Variants in KEAP1 observed in about 807,000 individuals in gnomAD.
The protein encoded by KEAP1 is kelch like ECH associated protein 1, also known as kelch-like ECH-associated protein 1.
Under a neutral mutation model 59.7 loss-of-function variants are expected in KEAP1, and 26 were observed. The ratio of observed to expected loss-of-function variants is 0.44; its 90% confidence interval spans 0.32 to 0.60. The LOEUF (loss-of-function observed/expected upper bound fraction) is 0.60, where lower values mean the gene tolerates loss of function less well. Ranked by LOEUF, KEAP1 falls within the 20% of genes least tolerant of loss-of-function variation. The probability of loss-of-function intolerance (pLI) is 0.06; values close to 1 mark genes in which losing one functional copy is unlikely to be tolerated. For missense variants in KEAP1, 539 were observed against 871.4 expected (o/e 0.62, Z 4.80); for synonymous variants, 350 against 358.3 (o/e 0.98, Z 0.26).
At position 10,491,880 on chromosome 19, in the gene KEAP1, T is replaced by C. The variant is rs2144600296; in HGVS notation, c.1022A>G (p.Tyr341Cys). ...GTCACTGGGGTTGTAAGCCTCCAGG[T>C]AGCTGAGCGACTGTCGGAAGTAGCC... ...AGGYFRQSLS[Y>C]LEAYNPSDGT... is the part of the protein sequence containing the mutation. Residue 341 changes from tyrosine (Y) to cysteine (C), a missense_variant, in exon 3 of 6, where the codon TAC becomes TGC. Tyr to Cys is a radical substitution (Grantham distance 194, BLOSUM62 -2). Transcript: ENST00000171111. This position sits in a 1 kb window ranked among gnomAD's most constrained non-coding sequence, Gnocchi z 5.2. The C allele has an allele frequency of 6.2e-7, 1 of 1,613,248 alleles. No homozygotes were observed. Among genetic ancestry groups the C allele is most frequent in the Non-Finnish European group, 8.5e-7 (1 of 1,179,730 alleles).
chr19:10,500,355 T>G (rs2144632996), intron 1 of KEAP1, among the ~76,000 whole-genome samples: 1 of 152,276 alleles, frequency 6.6e-6, no homozygotes, highest in Admixed American at 6.5e-5. Flanking sequence ...CTCAACAGCC[T>G]GCAAAGCCCT....
chr19:10,487,655 A>AAAAT (rs568931061), intron 5 of KEAP1, among the ~76,000 whole-genome samples: 19 of 151,944 alleles, frequency 1.3e-4, no homozygotes, highest in East Asian at 1.9e-4. Context: ...ACTCCACCTC[A>AAAAT]AAATAAATAA....
At chr19:10,496,506 A>ACCCC (rs1268754454) in intron 2 of KEAP1, among the ~76,000 whole-genome samples, 10 of 118,992 alleles carry the variant, frequency 8.4e-5, no homozygotes, top group African/African-American at 3.6e-4. Context: ...CACCCCCAAA[A>ACCCC]AAAAAAAAAA....
intron 2 of KEAP1, among the ~76,000 whole-genome samples, chr19:10,494,722 C>T (rs1419615783): frequency 1.4e-5 from 2 of 147,774 alleles, no homozygotes; most frequent in Non-Finnish European, 3.0e-5. Flanking sequence ...GTGGCACGAT[C>T]TTGCCTCACT....
Position 10,499,294 on chromosome 19 carries a change from C to T in KEAP1, c.639+101G>A. 8.8e-7 allele frequency: 1 copy of T among 1,138,702 alleles called. No individual in the cohort carries two copies. The highest frequency in any genetic ancestry group is 1.2e-6 in the Non-Finnish European group (1 of 812,780). 70.5% of individuals were successfully genotyped at this position (1,138,702 alleles called of 1,614,324 possible). The stretch of plus-strand genomic sequence containing the variant: ...ACCCAGCCCAGAACCTCCTTTTTCT[C>T]CAGTTTCCTGCCTTGACATCTCAAG... On this transcript the variant is annotated intron_variant, in intron 2 of 5. Coordinates refer to ENST00000171111, the MANE Select transcript of KEAP1 (RefSeq NM_203500.2). This position sits in a 1 kb window ranked among gnomAD's most constrained non-coding sequence, Gnocchi z 6.7.
At chr19:10,498,110 G>A (rs867512610) in intron 2 of KEAP1, among the ~76,000 whole-genome samples, 1 of 151,888 alleles carries the variant, frequency 6.6e-6, no homozygotes, top group South Asian at 2.1e-4. Flanking sequence ...ATGTTGGTCA[G>A]GCTGGTCTTG....
At chr19:10,494,526 G>A (rs77357782) in intron 2 of KEAP1, among the ~76,000 whole-genome samples, 11,252 of 150,130 alleles carry the variant, frequency 0.075, 480 homozygotes, top group Non-Finnish European at 0.09. Flanking sequence ...TAGTAGAGAC[G>A]GGATTTCACC....
intron 2 of KEAP1, 73 bp from the exon 3 acceptor site, chr19:10,492,335 GTAACT>G: frequency 1.7e-6 from 2 of 1,156,230 alleles, no homozygotes; most frequent in Non-Finnish European, 2.5e-6. Context: ...ACCGGGACAA[GTAACT>G]TATCACTGCC....
intron 1 of KEAP1, among the ~76,000 whole-genome samples, chr19:10,500,979 C>T (rs528876413): frequency 1.4e-3 from 209 of 152,204 alleles, no homozygotes; most frequent in South Asian, 2.1e-3. Context: ...CATGCCTGAC[C>T]CGGGGTGCAG....
chr19:10,486,839 A>G (rs2144579232), intron 5 of KEAP1, 21 bp from the exon 6 acceptor site: 1 of 1,604,992 alleles, frequency 6.2e-7, no homozygotes, highest in Non-Finnish European at 8.5e-7. Flanking sequence ...AACAGAAGGG[A>G]TGGTCACCAC....
At chr19:10,496,444 C>T (rs1599488134) in intron 2 of KEAP1, among the ~76,000 whole-genome samples, 1 of 150,008 alleles carries the variant, frequency 6.7e-6, no homozygotes. Context: ...TGCAGTGAGC[C>T]GAGATCATGC....
chr19:10,487,068 G>C (rs149537931), intron 5 of KEAP1, among the ~76,000 whole-genome samples: 2,338 of 147,868 alleles, frequency 0.016, 76 homozygotes, highest in African/African-American at 0.056. Context: ...AAATGGCCAG[G>C]CTTGGTAGCT....
At position 10,491,766 on chromosome 19, in the gene KEAP1, C is replaced by T. The variant is rs1014914854; in HGVS notation, c.1136G>A (p.Gly379Asp). 2 of 1,571,086 alleles carry T rather than the reference C, an allele frequency of 1.3e-6. No homozygotes were observed. The highest frequency in any genetic ancestry group is 1.7e-6 in the Non-Finnish European group (2 of 1,157,754). The stretch of plus-strand genomic sequence containing the variant: ...GTTGCCGTCGGGCGAGTTGTTCCTG[C>T]CGCCCACGGCGTACAACAGCCCGCC... ...VVGGLLYAVGGRNNSPDGNTD... is the reference protein window; with the variant it reads ...VVGGLLYAVGDRNNSPDGNTD... The change falls in exon 3 of 6, where the codon GGC becomes GAC. Residue 379 changes from glycine (G) to aspartate (D), a missense_variant. Physicochemically the swap from Gly to Asp is moderately conservative, Grantham distance 94 (BLOSUM62 -1). Coordinates refer to ENST00000171111, the MANE Select transcript of KEAP1 (RefSeq NM_203500.2). This position sits in a 1 kb window ranked among gnomAD's most constrained non-coding sequence, Gnocchi z 5.2.
At chr19:10,494,072 G>A (rs1394792947) in intron 2 of KEAP1, among the ~76,000 whole-genome samples, 1 of 151,896 alleles carries the variant, frequency 6.6e-6, no homozygotes, top group African/African-American at 2.4e-5. Context: ...CTCCTGAGTC[G>A]CTGGGACTAC....
At chr19:10,487,667 T>A (rs1023948228) in intron 5 of KEAP1, among the ~76,000 whole-genome samples, 1 of 149,580 alleles carries the variant, frequency 6.7e-6, no homozygotes, top group Non-Finnish European at 1.5e-5. Context: ...AATAAATAAA[T>A]AAATAAATAA....
chr19:10,487,303 C>A lies in KEAP1; in HGVS notation c.1709-485G>T, dbSNP rs144195820. ...CAGAGGTTGCAGTGAGCAGAGGCTG[C>A]ACCACTGTACTCTAGCCTAGGCAAC... is the stretch of plus-strand genomic sequence containing the variant. On this transcript the variant is annotated intron_variant, in intron 5 of 5. Coordinates refer to ENST00000171111, the MANE Select transcript of KEAP1 (RefSeq NM_203500.2). 1.4e-3 allele frequency among the ~76,000 whole-genome samples: 218 copies of A among 151,718 alleles called. 1 individual carries two copies. The East Asian group carries it at 0.019, about 13-fold the overall frequency.
Position 10,499,541 on chromosome 19 carries a change from C to T in KEAP1, c.493G>A (p.Asp165Asn), listed in dbSNP as rs752325770. 5 of 1,614,146 alleles carry T rather than the reference C, an allele frequency of 3.1e-6. No individual in the cohort carries two copies. Among genetic ancestry groups the T allele is most frequent in the East Asian group, 2.2e-5 (1 of 44,888 alleles). ...TCACTGCAGGCACGGACAACGCTGTCGATCTGGTACATGACAGCACCGTTC... is the reference window on the plus strand; with the variant it reads ...TCACTGCAGGCACGGACAACGCTGTTGATCTGGTACATGACAGCACCGTTC... ...VMNGAVMYQI[D>N]SVVRACSDFL... Residue 165 changes from aspartate (D) to asparagine (N), a missense_variant, in exon 2 of 6, where the codon GAC (aspartate) becomes AAC (asparagine). Coordinates refer to ENST00000171111, the MANE Select transcript of KEAP1 (RefSeq NM_203500.2). This position sits in a 1 kb window ranked among gnomAD's most constrained non-coding sequence, Gnocchi z 6.7.
rs1051138261 is a variant in KEAP1, at chr19:10,502,371, C to G, written c.-48+870G>C. The G allele has an allele frequency of 1.2e-4, 18 of 152,314 alleles. No individual in the cohort carries two copies. The highest frequency in any genetic ancestry group is 4.3e-4 in the African/African-American group (18 of 41,456). The allele number at this position is 152,314 out of a possible 1,614,324, so 9.4% of individuals were successfully genotyped here. A position where few individuals can be genotyped will look rare whatever the true frequency, so the allele number is the denominator to read the frequency against. ...TGAGCCTCCACCAGGCCCAGTGAGG[C>G]GAGGAAGTGACCCCACCGCGGCCTC... On this transcript the variant is annotated intron_variant, in intron 1 of 5. Transcript: ENST00000171111. This position sits in a 1 kb window ranked among gnomAD's most constrained non-coding sequence, Gnocchi z 4.0.
intron 1 of KEAP1, among the ~76,000 whole-genome samples, chr19:10,500,291 T>C (rs1410013282): frequency 6.6e-6 from 1 of 152,154 alleles, no homozygotes; most frequent in Non-Finnish European, 1.5e-5. Context: ...GTCATGTCTC[T>C]CCCCTGCTCT....
Sources: allele counts gnomAD v4.1 joint callset (sites outside exome capture counted in the v4.1 genomes callset), GRCh38; gene constraint gnomAD v4.1.1; non-coding constraint Gnocchi (gnomAD v3.1); transcripts MANE v1.5; gene names NCBI Gene and HGNC (gene_info 2026-07-23, HGNC 2026-07-21).